HTR4: variants seen among roughly 807,000 people sequenced by gnomAD.
HTR4 encodes the protein 5-hydroxytryptamine (serotonin) receptor 4, G protein-coupled.
Under a neutral mutation model 36.8 loss-of-function variants are expected in HTR4, and 16 were observed. That is an observed-to-expected ratio of 0.43 (90% CI 0.29 to 0.66). The LOEUF is 0.66. Among genes scored for constraint, HTR4 ranks in the 30% least tolerant of loss-of-function variants. HTR4 has a pLI of 0.13. For synonymous variants in HTR4, 189 were observed against 185.1 expected, an observed-to-expected ratio of 1.02 and a Z score of -0.17; for missense variants, 438 against 490.9, an observed-to-expected ratio of 0.89 and a Z score of 1.02.
At chr5:148,621,859 T>G (rs895209461) in intron 2 of HTR4, among the ~76,000 whole-genome samples, 2 of 152,222 alleles carry the variant, frequency 1.3e-5, no homozygotes, top group Non-Finnish European at 2.9e-5. Flanking sequence ...CTTGGTGATC[T>G]GGTCCATCCA....
chr5:148,465,241 TA>T (rs1755395523), intron 5 of HTR4, among the ~76,000 whole-genome samples: 1 of 152,092 alleles, frequency 6.6e-6, no homozygotes, highest in Admixed American at 6.5e-5. Context: ...CTCAGGGTGA[TA>T]ATAATGTGTC....
At chr5:148,541,606 G>T (rs1320374130) in intron 4 of HTR4, among the ~76,000 whole-genome samples, 3 of 152,142 alleles carry the variant, frequency 2.0e-5, no homozygotes, top group African/African-American at 7.2e-5. Flanking sequence ...AAAGGTGGAT[G>T]TTTGCCAGAA....
At chr5:148,537,238 A>C (rs1368441993) in intron 4 of HTR4, among the ~76,000 whole-genome samples, 1 of 152,160 alleles carries the variant, frequency 6.6e-6, no homozygotes, top group Non-Finnish European at 1.5e-5. Context: ...CAGCAAAGGC[A>C]GTATTGAGAG....
chr5:148,452,662 C>A (rs1284320400), intron 5 of HTR4, among the ~76,000 whole-genome samples: 1 of 152,132 alleles, frequency 6.6e-6, no homozygotes, highest in Non-Finnish European at 1.5e-5. Flanking sequence ...AAGAACAGGG[C>A]CTCAGTGAAG....
intron 5 of HTR4, among the ~76,000 whole-genome samples, chr5:148,462,313 A>G (rs953081757): frequency 1.3e-5 from 2 of 152,000 alleles, no homozygotes; most frequent in Non-Finnish European, 2.9e-5. Flanking sequence ...AAAATTATTA[A>G]CATAAGAAAT....
intron 4 of HTR4, among the ~76,000 whole-genome samples, chr5:148,539,920 C>T (rs1383229997): frequency 6.6e-6 from 1 of 152,036 alleles, no homozygotes; most frequent in Non-Finnish European, 1.5e-5. Context: ...CACATGCACC[C>T]AAATGTTTTT....
At chr5:148,556,652 G>A (rs1335445002) in intron 2 of HTR4, among the ~76,000 whole-genome samples, 1 of 152,130 alleles carries the variant, frequency 6.6e-6, no homozygotes, top group African/African-American at 2.4e-5. Flanking sequence ...TTTCCCAAAT[G>A]TTAATATTTA....
intron 2 of HTR4, among the ~76,000 whole-genome samples, chr5:148,576,101 ACTCCGTCTC>A (rs1561629057): frequency 3.2e-5 from 4 of 125,914 alleles, no homozygotes; most frequent in African/African-American, 1.2e-4. Context: ...ACAGAGCGAG[ACTCCGTCTC>A]AAAAAAAAAA....
At chr5:148,506,923 G>T (rs1293491050) in intron 6 of HTR4, among the ~76,000 whole-genome samples, 1 of 152,282 alleles carries the variant, frequency 6.6e-6, no homozygotes, top group East Asian at 1.9e-4. Flanking sequence ...TACACTGTTG[G>T]TGGGACTGTA....
intron 2 of HTR4, among the ~76,000 whole-genome samples, chr5:148,589,673 A>G (rs950461716): frequency 3.3e-4 from 50 of 152,300 alleles, no homozygotes; most frequent in African/African-American, 1.1e-3. Flanking sequence ...ATATTTTGCC[A>G]TACAGAAGAT....
At chr5:148,470,146 C>T (rs1755528841) in intron 5 of HTR4, among the ~76,000 whole-genome samples, 1 of 152,164 alleles carries the variant, frequency 6.6e-6, no homozygotes, top group African/African-American at 2.4e-5. Context: ...TGGTCACTAT[C>T]TTATTTAATA....
At chr5:148,622,685 T>C (rs1448461374) in intron 2 of HTR4, among the ~76,000 whole-genome samples, 1 of 152,236 alleles carries the variant, frequency 6.6e-6, no homozygotes, top group Non-Finnish European at 1.5e-5. Flanking sequence ...TTTCCTTATC[T>C]ATAAGTTGGG....
intron 2 of HTR4, among the ~76,000 whole-genome samples, chr5:148,550,939 C>T (rs1355410552): frequency 6.6e-6 from 1 of 152,160 alleles, no homozygotes; most frequent in Non-Finnish European, 1.5e-5. Context: ...ACCTTATTAC[C>T]CTCTACCTAT....
chr5:148,452,208 A>G (rs776361948), intron 5 of HTR4, among the ~76,000 whole-genome samples: 4 of 152,230 alleles, frequency 2.6e-5, no homozygotes, highest in Non-Finnish European at 4.4e-5. Flanking sequence ...TTTAATCCCC[A>G]TAATTGCCTA....
At chr5:148,561,069 A>C (rs1760180819) in intron 2 of HTR4, among the ~76,000 whole-genome samples, 1 of 152,152 alleles carries the variant, frequency 6.6e-6, no homozygotes, top group Non-Finnish European at 1.5e-5. Context: ...TTTTTTTTGA[A>C]AACCCTATAG....
At chr5:148,596,645 C>T (rs1027798410) in intron 2 of HTR4, among the ~76,000 whole-genome samples, 1 of 151,720 alleles carries the variant, frequency 6.6e-6, no homozygotes, top group Admixed American at 6.6e-5. Flanking sequence ...CAACCAAAAA[C>T]ATCTCTAGAC....
intron 6 of HTR4, among the ~76,000 whole-genome samples, chr5:148,491,439 C>T (rs185013765): frequency 7.9e-5 from 12 of 152,186 alleles, no homozygotes; most frequent in Admixed American, 6.5e-4. Flanking sequence ...TTGGCAGTGG[C>T]AAGGAAGTTC....
chr5:148,520,862 T>A, intron 5 of HTR4: 1 of 1,366,602 alleles, frequency 7.3e-7, no homozygotes, highest in Admixed American at 1.9e-5. Flanking sequence ...ACACTTCTAA[T>A]TCACTCTTCT....
chr5:148,532,394 G>C (rs1758616407), intron 4 of HTR4, among the ~76,000 whole-genome samples: 1 of 152,226 alleles, frequency 6.6e-6, no homozygotes, highest in African/African-American at 2.4e-5. Context: ...TACAATGCCA[G>C]ATATATTGTG....
Sources: gnomAD v4.1 joint callset for allele counts (sites outside exome capture counted in the v4.1 genomes callset) on GRCh38, gnomAD v4.1.1 for gene constraint, MANE v1.5 for transcripts, NCBI Gene and HGNC (gene_info 2026-07-23, HGNC 2026-07-21) for gene names.